Variants in DYM observed in about 807,000 individuals in gnomAD.
DYM encodes dyggve-Melchior-Clausen syndrome protein.
DYM carries 78 observed loss-of-function variants against 93.1 expected under a neutral mutation model. The ratio of observed to expected loss-of-function variants is 0.84; its 90% confidence interval spans 0.70 to 1.01. The LOEUF is 1.01. Among genes scored for constraint, DYM ranks in the 50% least tolerant of loss-of-function variants. The probability of loss-of-function intolerance (pLI) is 0.00; values close to 1 mark genes in which losing one functional copy is unlikely to be tolerated. For synonymous variants in DYM, 321 were observed against 319.7 expected (o/e 1.00, Z -0.04); for missense variants, 789 against 845.0 (o/e 0.93, Z 0.82).
At chr18:49,309,649 G>A (rs1302461344) in intron 8 of DYM, among the ~76,000 whole-genome samples, 1 of 152,044 alleles carries the variant, frequency 6.6e-6, no homozygotes, top group East Asian at 1.9e-4. Context: ...AAAAACAAAT[G>A]TTTTTAAATC....
chr18:49,087,129 C>T (rs1234153083), intron 17 of DYM, among the ~76,000 whole-genome samples: 1 of 152,204 alleles, frequency 6.6e-6, no homozygotes, highest in East Asian at 1.9e-4. Context: ...ACTAAATCTG[C>T]TGACATGTTG....
chr18:49,087,606 T>C (rs1009691911), intron 17 of DYM, among the ~76,000 whole-genome samples: 1 of 152,230 alleles, frequency 6.6e-6, no homozygotes, highest in Admixed American at 6.5e-5. Context: ...TATAGCAGCA[T>C]GATTTATAAT....
chr18:49,210,439 C>A (rs1216092889), intron 13 of DYM, among the ~76,000 whole-genome samples: 8 of 152,070 alleles, frequency 5.3e-5, no homozygotes, highest in Non-Finnish European at 1.0e-4. Flanking sequence ...TAAGTGAAAG[C>A]CACCAATCTG....
intron 15 of DYM, among the ~76,000 whole-genome samples, chr18:49,140,928 T>C (rs1179697596): frequency 3.9e-5 from 6 of 152,168 alleles, no homozygotes; most frequent in African/African-American, 7.2e-5. Flanking sequence ...CCAAATCCAA[T>C]GTATGTGTTT....
chr18:49,347,730 G>T (rs543290169), intron 6 of DYM, among the ~76,000 whole-genome samples: 1 of 152,264 alleles, frequency 6.6e-6, no homozygotes, highest in Non-Finnish European at 1.5e-5. Flanking sequence ...ATATTAATTT[G>T]GCTATCTTAA....
intron 17 of DYM, among the ~76,000 whole-genome samples, chr18:49,060,829 A>T (rs1051396200): frequency 2.0e-5 from 3 of 151,204 alleles, no homozygotes; most frequent in Non-Finnish European, 4.4e-5. Flanking sequence ...CAGTCAGGGG[A>T]TGCTGGCAAG....
chr18:49,369,549 A>G (rs1466151325), intron 5 of DYM, among the ~76,000 whole-genome samples: 1 of 152,182 alleles, frequency 6.6e-6, no homozygotes, highest in Non-Finnish European at 1.5e-5. Context: ...TTCACAGATC[A>G]GTGAAGCTCA....
At chr18:49,194,131 A>C (rs1042130500) in intron 14 of DYM, among the ~76,000 whole-genome samples, 1 of 152,238 alleles carries the variant, frequency 6.6e-6, no homozygotes, top group South Asian at 2.1e-4. Context: ...GTAACAAAGA[A>C]TATTTCTATA....
intron 16 of DYM, among the ~76,000 whole-genome samples, chr18:49,105,658 G>A (rs1444874532): frequency 2.6e-5 from 4 of 152,116 alleles, no homozygotes; most frequent in African/African-American, 7.2e-5. Context: ...CCTTCATTTC[G>A]TTATGTATCC....
intron 10 of DYM, among the ~76,000 whole-genome samples, chr18:49,276,579 G>A (rs975112181): frequency 3.9e-5 from 6 of 152,124 alleles, no homozygotes; most frequent in African/African-American, 1.4e-4. Flanking sequence ...CAAGTCTAAA[G>A]TTAGGAGATA....
intron 13 of DYM, among the ~76,000 whole-genome samples, chr18:49,248,402 T>A (rs954259941): frequency 6.6e-6 from 1 of 152,254 alleles, no homozygotes; most frequent in South Asian, 2.1e-4. Context: ...ATAGAGAAAA[T>A]AGAGATGCAA....
chr18:49,143,184 C>T (rs1431428182), intron 15 of DYM, among the ~76,000 whole-genome samples: 2 of 152,176 alleles, frequency 1.3e-5, no homozygotes, highest in African/African-American at 4.8e-5. Context: ...TCACTTTATA[C>T]ATGAGAGCAC....
intron 15 of DYM, among the ~76,000 whole-genome samples, chr18:49,138,014 A>G (rs896467618): frequency 3.3e-5 from 5 of 152,224 alleles, no homozygotes; most frequent in Non-Finnish European, 5.9e-5. Flanking sequence ...GGAAAATGGT[A>G]GTATAAAACC....
chr18:49,340,554 G>C, intron 6 of DYM, among the ~76,000 whole-genome samples: 1 of 152,170 alleles, frequency 6.6e-6, no homozygotes, highest in East Asian at 1.9e-4. Flanking sequence ...GGAAAGGACA[G>C]GCCTTACAGG....
At chr18:49,369,356 G>A (rs562615969) in intron 5 of DYM, among the ~76,000 whole-genome samples, 13 of 152,294 alleles carry the variant, frequency 8.5e-5, no homozygotes, top group African/African-American at 2.4e-4. Flanking sequence ...AACTGGGAAG[G>A]GGGGTGGCCT....
At chr18:49,437,278 T>C (rs1368460364) in intron 1 of DYM, among the ~76,000 whole-genome samples, 1 of 152,190 alleles carries the variant, frequency 6.6e-6, no homozygotes, top group African/African-American at 2.4e-5. Context: ...AACCATAGCA[T>C]ATGACATATT....
intron 6 of DYM, among the ~76,000 whole-genome samples, chr18:49,361,172 C>T (rs1453424756): frequency 6.6e-6 from 1 of 152,212 alleles, no homozygotes. Flanking sequence ...CAAGTGTCTG[C>T]TGCAGGAGCT....
At chr18:49,074,536 T>C (rs774413066) in intron 17 of DYM, among the ~76,000 whole-genome samples, 33 of 152,208 alleles carry the variant, frequency 2.2e-4, no homozygotes, top group Non-Finnish European at 3.2e-4. Context: ...CTACATATAA[T>C]TGTGCATGGT....
At chr18:49,307,625 A>G (rs1219951742) in intron 8 of DYM, among the ~76,000 whole-genome samples, 1 of 152,214 alleles carries the variant, frequency 6.6e-6, no homozygotes, top group Non-Finnish European at 1.5e-5. Context: ...CAGTGCCCCA[A>G]GAATACTCCT....
Sources: allele counts gnomAD v4.1 joint callset (sites outside exome capture counted in the v4.1 genomes callset), GRCh38; gene constraint gnomAD v4.1.1; transcripts MANE v1.5; gene names NCBI Gene and HGNC (gene_info 2026-07-23, HGNC 2026-07-21).